The following GPHN variants were observed in gnomAD, a reference collection of about 807,000 sequenced individuals.
GPHN encodes gephyrin.
A neutral mutation model predicts 95.5 loss-of-function variants in GPHN; 17 were observed. The observed-to-expected ratio is 0.18, with a 90% CI of 0.12 to 0.27. The LOEUF (loss-of-function observed/expected upper bound fraction) is 0.27. GPHN is among the 10% of genes least tolerant of loss of function. The pLI, the probability that GPHN is intolerant of heterozygous loss-of-function variation, is 1.00. For missense variants in GPHN, 660 were observed against 978.1 expected (o/e 0.67, Z 4.34); for synonymous variants, 320 against 322.5 (o/e 0.99, Z 0.08).
chr14:66,691,584 G>A (rs2067785383), intron 2 of GPHN, among the ~76,000 whole-genome samples: 1 of 152,102 alleles, frequency 6.6e-6, no homozygotes, highest in African/African-American at 2.4e-5. Context: ...AGGGAACACA[G>A]CCATGCATAG....
the GPHN span, among the ~76,000 whole-genome samples, chr14:67,678,974 C>T: frequency 9.9e-5 from 15 of 152,210 alleles, no homozygotes; most frequent in East Asian, 1.9e-4. Flanking sequence ...AACCAAGGTA[C>T]GAGGTGTCTT....
intron 1 of GPHN, among the ~76,000 whole-genome samples, chr14:66,592,465 A>C (rs56301547): frequency 4.6e-4 from 60 of 129,040 alleles, no homozygotes; most frequent in African/African-American, 1.9e-3. Context: ...AAGAAAAAAA[A>C]AAAAACCCCG....
intron 4 of GPHN, among the ~76,000 whole-genome samples, chr14:66,846,042 T>G (rs868095683): frequency 6.6e-6 from 1 of 152,164 alleles, no homozygotes; most frequent in African/African-American, 2.4e-5. Context: ...TAAAAAATGA[T>G]GGACTTAGGA....
intron 9 of GPHN, among the ~76,000 whole-genome samples, chr14:66,991,872 A>C (rs868811929): frequency 6.6e-4 from 96 of 146,404 alleles, no homozygotes; most frequent in African/African-American, 2.0e-3. Context: ...ACCCTGTCTA[A>C]AAAAAAAAAA....
chr14:67,632,983 G>T, the GPHN span, among the ~76,000 whole-genome samples: 1 of 151,620 alleles, frequency 6.6e-6, no homozygotes. Flanking sequence ...ACCACGCCCG[G>T]CTAATTTTTC....
At chr14:67,721,861 G>A in the GPHN span, among the ~76,000 whole-genome samples, 2 of 151,956 alleles carry the variant, frequency 1.3e-5, no homozygotes, top group Non-Finnish European at 2.9e-5. Flanking sequence ...TTAGTAACTT[G>A]CCCAGGGCCG....
the GPHN span, among the ~76,000 whole-genome samples, chr14:67,290,558 T>A: frequency 2.6e-5 from 4 of 152,332 alleles, no homozygotes; most frequent in South Asian, 4.2e-4. Flanking sequence ...TTTGTATTTT[T>A]AAAAATTATT....
At chr14:66,932,697 C>T (rs2066891411) in intron 8 of GPHN, among the ~76,000 whole-genome samples, 1 of 151,432 alleles carries the variant, frequency 6.6e-6, no homozygotes, top group Non-Finnish European at 1.5e-5. Flanking sequence ...TTGGCTGCCA[C>T]TGATGTTTAT....
At position 66,702,582 on chromosome 14, in the gene GPHN, T is replaced by G. The variant is rs113829720; in HGVS notation, c.143+21397T>G. On this transcript the variant is annotated intron_variant, in intron 2 of 22. Coordinates refer to ENST00000478722, the MANE Select transcript of GPHN (RefSeq NM_020806.5). Reference sequence around the variant, plus strand: ...GAGGGACCTGACCATTGAAAAACAATTAAAGAGAAAACAACAACAACAGCA... The same window carrying G: ...GAGGGACCTGACCATTGAAAAACAAGTAAAGAGAAAACAACAACAACAGCA... 3.6e-3 allele frequency among the ~76,000 whole-genome samples: 554 copies of G among 151,944 alleles called. 12 individuals are homozygous for G. Among genetic ancestry groups the G allele is most frequent in the African/African-American group, 0.013 (528 of 41,418 alleles).
intron 1 of GPHN, among the ~76,000 whole-genome samples, chr14:66,581,820 G>A (rs1040828011): frequency 2.0e-5 from 3 of 151,838 alleles, no homozygotes; most frequent in African/African-American, 4.8e-5. Flanking sequence ...TAATGTAAAG[G>A]GGTCAATTTA....
chr14:67,735,108 A>G, the GPHN span: 1 of 779,606 alleles, frequency 1.3e-6, no homozygotes, highest in Non-Finnish European at 2.3e-6. Flanking sequence ...AAAGAATGCA[A>G]AAGAAAACAA....
At chr14:67,565,657 T>G in the GPHN span, among the ~76,000 whole-genome samples, 1 of 152,200 alleles carries the variant, frequency 6.6e-6, no homozygotes, top group African/African-American at 2.4e-5. Context: ...CCTCCACAGA[T>G]GCTGCTGGGG....
At chr14:66,582,784 T>C (rs1366459963) in intron 1 of GPHN, among the ~76,000 whole-genome samples, 1 of 152,148 alleles carries the variant, frequency 6.6e-6, no homozygotes, top group Non-Finnish European at 1.5e-5. Context: ...CAGTCTATCA[T>C]TGTTGGATAT....
chr14:67,583,131 AAG>A, the GPHN span, among the ~76,000 whole-genome samples: 8 of 152,350 alleles, frequency 5.3e-5, no homozygotes, highest in African/African-American at 1.9e-4. Flanking sequence ...ATTTTTAAAA[AAG>A]AATAAGAATC....
the GPHN span, among the ~76,000 whole-genome samples, chr14:67,230,181 A>G: frequency 6.6e-6 from 1 of 152,224 alleles, no homozygotes; most frequent in Non-Finnish European, 1.5e-5. Context: ...TATAACTATG[A>G]GTTATAACTT....
At chr14:66,637,075 T>G (rs977119944) in intron 1 of GPHN, among the ~76,000 whole-genome samples, 3 of 152,176 alleles carry the variant, frequency 2.0e-5, no homozygotes, top group African/African-American at 7.2e-5. Flanking sequence ...GTCCTTGGTA[T>G]GTATGATTTC....
At chr14:66,632,243 A>G (rs2153341934) in intron 1 of GPHN, among the ~76,000 whole-genome samples, 1 of 152,334 alleles carries the variant, frequency 6.6e-6, no homozygotes, top group East Asian at 1.9e-4. Context: ...AGCAAATGAT[A>G]GTTCCCCTGT....
intron 1 of GPHN, among the ~76,000 whole-genome samples, chr14:66,606,942 T>G (rs969267955): frequency 6.6e-6 from 1 of 152,156 alleles, no homozygotes; most frequent in Non-Finnish European, 1.5e-5. Flanking sequence ...TTCTTTCTTT[T>G]GTCTGATTAT....
At chr14:66,842,161 C>A (rs1018814775) in intron 4 of GPHN, among the ~76,000 whole-genome samples, 6 of 150,416 alleles carry the variant, frequency 4.0e-5, no homozygotes, top group Non-Finnish European at 5.9e-5. Context: ...TTTTTGGAGT[C>A]ATCAACATAT....
Sources: allele counts gnomAD v4.1 joint callset (sites outside exome capture counted in the v4.1 genomes callset), GRCh38; gene constraint gnomAD v4.1.1; transcripts MANE v1.5; gene names NCBI Gene and HGNC (gene_info 2026-07-23, HGNC 2026-07-21).